CSMD2: variants seen among roughly 807,000 people sequenced by gnomAD.
CSMD2 encodes the protein CUB and Sushi multiple domains 2.
In CSMD2, 130 loss-of-function variants were observed where a neutral mutation model predicts 398.5. The observed-to-expected ratio is 0.33, with a 90% confidence interval of 0.28 to 0.38. CSMD2 has a LOEUF of 0.38. CSMD2 is among the 10% of genes least tolerant of loss of function. CSMD2 has a pLI of 1.00. For missense variants in CSMD2, 3,829 were observed against 4,764.9 expected, an observed-to-expected ratio of 0.80 and a Z score of 5.78; for synonymous variants, 1,828 against 1,908.5, an observed-to-expected ratio of 0.96 and a Z score of 1.10.
intron 1 of CSMD2, among the ~76,000 whole-genome samples, chr1:34,098,300 T>C (rs1203662539): frequency 2.2e-5 from 3 of 134,058 alleles, no homozygotes; most frequent in Non-Finnish European, 4.8e-5. Flanking sequence ...CATTGGGAGA[T>C]ATACCTAATG....
chr1:33,803,966 T>C (rs1655925427), intron 10 of CSMD2, among the ~76,000 whole-genome samples: 2 of 152,224 alleles, frequency 1.3e-5, no homozygotes, highest in South Asian at 4.1e-4. Flanking sequence ...TGTAAGTGCA[T>C]GGGCTTTGGA....
At chr1:33,679,596 T>C (rs1367167200) in intron 25 of CSMD2, among the ~76,000 whole-genome samples, 1 of 152,230 alleles carries the variant, frequency 6.6e-6, no homozygotes, top group Non-Finnish European at 1.5e-5. Context: ...TCAAGCAGCG[T>C]TGCTAAGAGT....
chr1:33,904,405 T>C (rs1367045616), intron 5 of CSMD2, among the ~76,000 whole-genome samples: 2 of 152,246 alleles, frequency 1.3e-5, no homozygotes, highest in East Asian at 1.9e-4. Flanking sequence ...ATAAACAAAA[T>C]GTGGTTTAGA....
intron 1 of CSMD2, among the ~76,000 whole-genome samples, chr1:34,142,277 G>A (rs899937898): frequency 2.6e-5 from 4 of 152,020 alleles, no homozygotes; most frequent in Non-Finnish European, 5.9e-5. Context: ...GCAAATGGGG[G>A]TACACTCATC....
chr1:33,794,913 G>C (rs1281501830), intron 10 of CSMD2, among the ~76,000 whole-genome samples: 4 of 151,620 alleles, frequency 2.6e-5, no homozygotes, highest in Admixed American at 2.6e-4. Context: ...TGGGCCTGTA[G>C]CAAGGTCTAG....
chr1:33,572,484 C>T (rs1247508026), intron 50 of CSMD2, 22 bp downstream of exon 50: 3 of 1,536,192 alleles, frequency 2.0e-6, no homozygotes, highest in Non-Finnish European at 8.8e-7. Context: ...CTTACACCCG[C>T]CTCCATTGCC....
chr1:33,593,885 ATACTT>A (rs561690820), intron 44 of CSMD2, among the ~76,000 whole-genome samples: 1 of 152,262 alleles, frequency 6.6e-6, no homozygotes, highest in South Asian at 2.1e-4. Context: ...TAGAAGTACT[ATACTT>A]TATTTTAAAT....
At chr1:33,827,912 C>A (rs1019782857) in intron 6 of CSMD2, among the ~76,000 whole-genome samples, 1 of 152,224 alleles carries the variant, frequency 6.6e-6, no homozygotes, top group African/African-American at 2.4e-5. Context: ...TGCTCCCAAG[C>A]TCAGGCTCTG....
chr1:34,098,205 T>A (rs1462939979), intron 1 of CSMD2, among the ~76,000 whole-genome samples: 1 of 130,946 alleles, frequency 7.6e-6, no homozygotes, highest in East Asian at 2.3e-4. Context: ...TAGGTGGGAA[T>A]TGAACAATGA....
chr1:33,924,075 A>G (rs1289249999), intron 4 of CSMD2, among the ~76,000 whole-genome samples: 1 of 152,076 alleles, frequency 6.6e-6, no homozygotes, highest in Non-Finnish European at 1.5e-5. Context: ...GTCAACCTCT[A>G]TGAGATCCAC....
chr1:33,606,607 G>A (rs1047407698), intron 41 of CSMD2, among the ~76,000 whole-genome samples: 1 of 152,236 alleles, frequency 6.6e-6, no homozygotes, highest in African/African-American at 2.4e-5. Flanking sequence ...GGCAACGAAA[G>A]TCTCAGCGGA....
intron 24 of CSMD2, among the ~76,000 whole-genome samples, chr1:33,698,450 C>A (rs910500139): frequency 6.6e-6 from 1 of 152,214 alleles, no homozygotes; most frequent in Admixed American, 6.5e-5. Flanking sequence ...GACTCTCCCA[C>A]CTCATCGCTA....
Position 33,567,749 on chromosome 1 carries a change from G to T in CSMD2, c.8224C>A (p.Pro2742Thr). The change falls in exon 53 of 71, where the codon CCT (proline) becomes ACT (threonine). Residue 2742 changes from proline to threonine, a missense_variant. Pro to Thr is a conservative substitution (Grantham distance 38). Coordinates refer to ENST00000373381, the MANE Select transcript of CSMD2 (RefSeq NM_001281956.2). ...ATGTGTCCGTTGACAATGGGCTCAG[G>T]AGTCCCACAGTGTCCAGCTTTGGTG... is the stretch of plus-strand genomic sequence containing the variant. The part of the protein sequence containing the change: ...SLTKAGHCGT[P>T]EPIVNGHING... The T allele has an allele frequency of 6.2e-7, 1 of 1,614,062 alleles. No homozygotes were observed.
chr1:34,021,279 A>G (rs1648835642), intron 3 of CSMD2, among the ~76,000 whole-genome samples: 1 of 152,200 alleles, frequency 6.6e-6, no homozygotes, highest in Admixed American at 6.5e-5. Context: ...AAAGGCATGC[A>G]TCCCCTAAAC....
intron 3 of CSMD2, among the ~76,000 whole-genome samples, chr1:33,979,368 A>C (rs12125152): frequency 0.028 from 3,901 of 140,066 alleles, 135 homozygotes; most frequent in East Asian, 0.17. Flanking sequence ...GGCATCTTTG[A>C]ATTAATGGGA....
chr1:34,108,639 A>T, intron 1 of CSMD2, among the ~76,000 whole-genome samples: 1 of 152,242 alleles, frequency 6.6e-6, no homozygotes, highest in East Asian at 1.9e-4. Flanking sequence ...ATGATAAGAA[A>T]GTAACAAAGA....
At chr1:34,009,965 C>T (rs955714281) in intron 3 of CSMD2, among the ~76,000 whole-genome samples, 1 of 152,206 alleles carries the variant, frequency 6.6e-6, no homozygotes, top group African/African-American at 2.4e-5. Flanking sequence ...TCCTTGCAAT[C>T]CATTCTCCCT....
intron 1 of CSMD2, among the ~76,000 whole-genome samples, chr1:34,110,303 A>G (rs553271162): frequency 6.6e-6 from 1 of 152,286 alleles, no homozygotes; most frequent in East Asian, 1.9e-4. Flanking sequence ...TCAAAAACCT[A>G]GAAACAGAAC....
chr1:33,842,469 C>T (rs769719370), intron 6 of CSMD2, among the ~76,000 whole-genome samples: 2 of 152,144 alleles, frequency 1.3e-5, no homozygotes, highest in Non-Finnish European at 2.9e-5. Context: ...CACAACTTGA[C>T]CACTACCACA....
Sources: allele counts gnomAD v4.1 joint callset (sites outside exome capture counted in the v4.1 genomes callset), GRCh38; gene constraint gnomAD v4.1.1; transcripts MANE v1.5; gene names NCBI Gene and HGNC (gene_info 2026-07-23, HGNC 2026-07-21).